SYNM: variants seen among roughly 807,000 people sequenced by gnomAD.
SYNM encodes desmuslin.
SYNM carries 95 observed loss-of-function variants against 104.0 expected under a neutral mutation model. The observed-to-expected ratio is 0.91, with a 90% confidence interval of 0.77 to 1.08. The LOEUF (loss-of-function observed/expected upper bound fraction) is 1.08, where lower values mean the gene tolerates loss of function less well. SYNM is among the 50% of genes least tolerant of loss of function. SYNM has a pLI of 0.00. For synonymous variants in SYNM, 918 were observed against 869.0 expected, an observed-to-expected ratio of 1.06 and a Z score of -0.99; for missense variants, 2,150 against 2,052.2, an observed-to-expected ratio of 1.05 and a Z score of -0.92.
chr15:99,105,416 G>A lies in SYNM; in HGVS notation c.217G>A (p.Glu73Lys), dbSNP rs539258983. ...GCGCAGCTTGCGGCAGCAGCTGGAC[G>A]AGCTGAGCTGGGCCACTGCGCTGGC... Reference protein sequence around the residue: ...EARSLRQQLDELSWATALAEG... With the variant: ...EARSLRQQLDKLSWATALAEG... The change falls in exon 1 of 4, where the codon GAG becomes AAG. Residue 73 changes from glutamate to lysine, a missense_variant. Transcript: ENST00000336292. 2.7e-6 allele frequency: 4 copies of A among 1,506,720 alleles called. No homozygotes were observed. The South Asian group carries it at 5.0e-5, about 19-fold the overall frequency. The allele number at this position is 1,506,720 out of a possible 1,614,324, so 93.3% of individuals were successfully genotyped here. A position where few individuals can be genotyped will look rare whatever the true frequency, so the allele number is the denominator to read the frequency against.
intron 3 of SYNM, 94 bp from the exon 4 acceptor site, chr15:99,129,273 T>C: frequency 6.7e-7 from 1 of 1,496,054 alleles, no homozygotes; most frequent in South Asian, 1.3e-5. Context: ...ATATTTATTA[T>C]GATGGAATGG....
downstream of SYNM, among the ~76,000 whole-genome samples, chr15:99,135,941 T>C (rs2067573220): frequency 6.6e-6 from 1 of 152,216 alleles, no homozygotes; most frequent in South Asian, 2.1e-4. Flanking sequence ...TGGGATGTGG[T>C]ACTTTGAGTG....
rs781826570 is a variant in SYNM, at chr15:99,130,077, CGA to C, written c.1727_1728del (p.Glu576GlyfsTer4). ...GGACTCACCGAAGGAGAAGAGCGTG[CGA>C]GAGAGAGAGGTGCCGATTAGTCTAG... The part of the protein sequence containing the change: ...EKDSPKEKSV[R>X]EREVPISLEV... On this transcript the variant is annotated frameshift_variant, in exon 4 of 4. Coordinates refer to ENST00000336292, the MANE Select transcript of SYNM (RefSeq NM_145728.3). LOFTEE classifies it high-confidence loss of function. 17 of 1,613,368 alleles carry C rather than the reference CGA, an allele frequency of 1.1e-5. No individual in the cohort carries two copies. Among genetic ancestry groups the C allele is most frequent in the African/African-American group, 1.3e-5 (1 of 74,812 alleles).
intron 2 of SYNM, among the ~76,000 whole-genome samples, chr15:99,124,828 G>A (rs1435242487): frequency 1.3e-5 from 2 of 152,194 alleles, no homozygotes; most frequent in Admixed American, 6.5e-5. Context: ...GGGTGGCTTC[G>A]ACGGTGTAAG....
chr15:99,107,822 C>A (rs2151797838), intron 1 of SYNM, among the ~76,000 whole-genome samples: 1 of 152,246 alleles, frequency 6.6e-6, no homozygotes, highest in Non-Finnish European at 1.5e-5. Flanking sequence ...CAGAGTGAGG[C>A]TGGGACCCCA....
At chr15:99,141,187 T>G in the SYNM span, 7 of 152,212 alleles carry the variant, frequency 4.6e-5, no homozygotes, top group Non-Finnish European at 1.0e-4. Flanking sequence ...TAGTAATGAA[T>G]ATGTAAACTG....
downstream of SYNM, chr15:99,137,928 C>T: frequency 6.3e-7 from 1 of 1,575,864 alleles, no homozygotes; most frequent in South Asian, 1.1e-5. Flanking sequence ...TGTTGAATTC[C>T]ATTTTCTAGG....
intron 2 of SYNM, among the ~76,000 whole-genome samples, chr15:99,120,494 G>T (rs372703431): frequency 6.6e-5 from 10 of 152,198 alleles, no homozygotes; most frequent in Non-Finnish European, 1.0e-4. Context: ...CTTTGGGGGC[G>T]TGTCATGGAG....
At position 99,132,679 on chromosome 15, in the gene SYNM, A is replaced by C. The variant is rs1480301416; in HGVS notation, c.4319A>C (p.Lys1440Thr). 1.2e-6 allele frequency: 2 copies of C among 1,613,914 alleles called. No homozygotes were observed. Among genetic ancestry groups the C allele is most frequent in the African/African-American group, 2.7e-5 (2 of 74,934 alleles). Residue 1440 changes from lysine (K) to threonine (T), a missense_variant, in exon 4 of 4, where the codon AAG becomes ACG. Coordinates refer to ENST00000336292, the MANE Select transcript of SYNM (RefSeq NM_145728.3). ...TCAGCGGACTCCCCTGAGCTAGGCA[A>C]GTTAGCAGACAGCAGCAGAACGCTA... Reference protein sequence around the residue: ...AGSADSPELGKLADSSRTLRH... With the variant: ...AGSADSPELGTLADSSRTLRH...
Position 99,133,167 on chromosome 15 carries a change from TTAC to T in SYNM, c.*111_*113del, listed in dbSNP as rs1596139561. On this transcript the variant is annotated 3_prime_UTR_variant, in exon 4 of 4. Transcript: ENST00000336292. The stretch of plus-strand genomic sequence containing the variant: ...GGAGTCTATGAAAATCTCCCCTTTT[TTAC>T]TTTTTTAAAGAGTACTCCCGGCATG... The T allele has an allele frequency of 1.3e-6, 2 of 1,508,570 alleles. No homozygotes were observed. Among genetic ancestry groups the T allele is most frequent in the East Asian group, 4.9e-5 (2 of 41,180 alleles). The allele number at this position is 1,508,570 out of a possible 1,614,324, so 93.4% of individuals were successfully genotyped here. A position where few individuals can be genotyped will look rare whatever the true frequency, so the allele number is the denominator to read the frequency against.
At chr15:99,117,199 C>T (rs1207765231) in intron 2 of SYNM, among the ~76,000 whole-genome samples, 1 of 152,172 alleles carries the variant, frequency 6.6e-6, no homozygotes, top group Non-Finnish European at 1.5e-5. Flanking sequence ...TACAGCTGGT[C>T]CACATGGCGG....
At position 99,130,097 on chromosome 15, in the gene SYNM, T is replaced by C. The variant is rs2151809694; in HGVS notation, c.1737T>C (p.Ile579=). ...GCGTGCGAGAGAGAGAGGTGCCGAT[T>C]AGTCTAGAAGTATCCCAGGACAGAA... ...EKSVREREVP[I]SLEVSQDRRA... Residue 579 remains isoleucine, a synonymous_variant, in exon 4 of 4, where the codon ATT becomes ATC. Coordinates refer to ENST00000336292, the MANE Select transcript of SYNM (RefSeq NM_145728.3). 4 of 1,613,894 alleles carry C rather than the reference T, an allele frequency of 2.5e-6. No individual in the cohort carries two copies. Among genetic ancestry groups the C allele is most frequent in the Non-Finnish European group, 3.4e-6 (4 of 1,179,894 alleles).
At chr15:99,118,374 G>A (rs2067369756) in intron 2 of SYNM, among the ~76,000 whole-genome samples, 1 of 152,218 alleles carries the variant, frequency 6.6e-6, no homozygotes, top group African/African-American at 2.4e-5. Context: ...TAACTAAAGT[G>A]CTCATTTGAT....
At chr15:99,116,821 C>T (rs2067354497) in intron 2 of SYNM, among the ~76,000 whole-genome samples, 2 of 143,754 alleles carry the variant, frequency 1.4e-5, no homozygotes, top group South Asian at 4.8e-4. Context: ...GGACTACAGG[C>T]ACCTGCCACC....
At chr15:99,120,252 C>G (rs1261120857) in intron 2 of SYNM, among the ~76,000 whole-genome samples, 2 of 152,156 alleles carry the variant, frequency 1.3e-5, no homozygotes, top group African/African-American at 4.8e-5. Flanking sequence ...TGGTGTGGAC[C>G]TAGTCCCTGT....
Position 99,113,643 on chromosome 15 carries a change from C to T in SYNM, c.863C>T (p.Ala288Val). 2 of 1,613,586 alleles carry T rather than the reference C, an allele frequency of 1.2e-6. No individual in the cohort carries two copies. Among genetic ancestry groups the T allele is most frequent in the African/African-American group, 2.7e-5 (2 of 75,038 alleles). ...DEKATLTLAM[A>V]DWLRDYQDLL... ...AAGGCAACCCTCACCTTGGCCATGG[C>T]TGACTGGCTGCGGGACTATCAGGAC... The change falls in exon 2 of 4, where the codon GCT becomes GTT. Residue 288 changes from alanine (A) to valine (V), a missense_variant. Ala to Val is a moderately conservative substitution (Grantham distance 64). Coordinates refer to ENST00000336292, the MANE Select transcript of SYNM (RefSeq NM_145728.3).
At position 99,133,252 on chromosome 15, in the gene SYNM, G is replaced by A. The variant is rs1294195281; in HGVS notation, c.*194G>A. On this transcript the variant is annotated 3_prime_UTR_variant, in exon 4 of 4. Transcript: ENST00000336292. Reference sequence around the variant, plus strand: ...TTTCCAGTTAATTCATGCCTTAAAAGGCACTGCAATTTTATTTTTGAGTTG... The same window carrying A: ...TTTCCAGTTAATTCATGCCTTAAAAAGCACTGCAATTTTATTTTTGAGTTG... The A allele has an allele frequency of 1.7e-6, 2 of 1,183,138 alleles. No homozygotes were observed. Among genetic ancestry groups the A allele is most frequent in the Non-Finnish European group, 2.3e-6 (2 of 883,124 alleles). The allele number at this position is 1,183,138 out of a possible 1,614,324, so 73.3% of individuals were successfully genotyped here.
At chr15:99,124,411 T>G (rs1286076312) in intron 2 of SYNM, among the ~76,000 whole-genome samples, 2 of 152,156 alleles carry the variant, frequency 1.3e-5, no homozygotes, top group Non-Finnish European at 2.9e-5. Flanking sequence ...CCCAGCCGGG[T>G]GCTCACAGAT....
At chr15:99,115,872 C>T (rs1292791066) in intron 2 of SYNM, among the ~76,000 whole-genome samples, 1 of 152,264 alleles carries the variant, frequency 6.6e-6, no homozygotes, top group African/African-American at 2.4e-5. Context: ...GCAGCCTGGG[C>T]CGGCCTCACT....
Sources: gnomAD v4.1 joint callset for allele counts (sites outside exome capture counted in the v4.1 genomes callset) on GRCh38, gnomAD v4.1.1 for gene constraint, MANE v1.5 for transcripts, NCBI Gene and HGNC (gene_info 2026-07-23, HGNC 2026-07-21) for gene names.